Variants in FBXL20 observed in about 807,000 individuals in gnomAD.
FBXL20 encodes F-box/LRR-repeat protein 20.
Under a neutral mutation model 64.0 loss-of-function variants are expected in FBXL20, and 11 were observed. That is an observed-to-expected ratio of 0.17 (90% CI 0.11 to 0.28). The LOEUF (loss-of-function observed/expected upper bound fraction) is 0.28. FBXL20 is among the 10% of genes least tolerant of loss of function. The pLI is 1.00. For synonymous variants in FBXL20, 184 were observed against 189.0 expected (o/e 0.97, Z 0.22); for missense variants, 303 against 526.2 (o/e 0.58, Z 4.15).
intron 2 of FBXL20, among the ~76,000 whole-genome samples, chr17:39,332,951 G>C (rs1263347235): frequency 2.0e-5 from 3 of 152,078 alleles, no homozygotes; most frequent in Non-Finnish European, 2.9e-5. Flanking sequence ...CCCCAACACA[G>C]TATGAATTGC....
intron 2 of FBXL20, among the ~76,000 whole-genome samples, chr17:39,341,136 G>A (rs1597807987): frequency 6.6e-6 from 1 of 151,956 alleles, no homozygotes; most frequent in Non-Finnish European, 1.5e-5. Flanking sequence ...GTGTTTTGTG[G>A]TGTCAAATCT....
At chr17:39,398,994 AT>A (rs1316173006) in intron 1 of FBXL20, among the ~76,000 whole-genome samples, 7 of 151,972 alleles carry the variant, frequency 4.6e-5, no homozygotes, top group African/African-American at 9.7e-5. Context: ...AATTAAAAAA[AT>A]TTTTTTTCTA....
At chr17:39,379,148 C>A (rs1173145064) in intron 1 of FBXL20, among the ~76,000 whole-genome samples, 1 of 149,810 alleles carries the variant, frequency 6.7e-6, no homozygotes, top group Non-Finnish European at 1.5e-5. Context: ...ATCGCTTGAA[C>A]CCAGGAGGCG....
intron 2 of FBXL20, among the ~76,000 whole-genome samples, chr17:39,335,187 T>A (rs141171099): frequency 1.3e-5 from 2 of 152,266 alleles, no homozygotes; most frequent in Non-Finnish European, 2.9e-5. Flanking sequence ...AATGATGTAA[T>A]GCATGTCTTA....
chr17:39,383,346 T>C (rs1475812338), intron 1 of FBXL20, among the ~76,000 whole-genome samples: 6 of 152,084 alleles, frequency 3.9e-5, no homozygotes, highest in South Asian at 4.1e-4. Flanking sequence ...CTTGGTCGGG[T>C]ATGATGGCTC....
chr17:39,341,605 A>C (rs2047583776), intron 2 of FBXL20, among the ~76,000 whole-genome samples: 1 of 152,180 alleles, frequency 6.6e-6, no homozygotes, highest in Non-Finnish European at 1.5e-5. Context: ...ACATATGTTC[A>C]TATACTCCTT....
intron 2 of FBXL20, among the ~76,000 whole-genome samples, chr17:39,320,133 T>C (rs890603659): frequency 3.9e-5 from 6 of 152,186 alleles, no homozygotes; most frequent in Admixed American, 6.6e-5. Context: ...GTTTTGTAAC[T>C]TGCTTTGTTG....
chr17:39,255,948 A>C lies in FBXL20; in HGVS notation c.*5512T>G, dbSNP rs1022658001. The C allele has an allele frequency of 1.3e-5, 2 of 152,182 alleles. No homozygotes were observed. The highest frequency in any genetic ancestry group is 2.4e-5 in the African/African-American group (1 of 41,450). 9.4% of individuals were successfully genotyped at this position (152,182 alleles called of 1,614,324 possible). A position where few individuals can be genotyped will look rare whatever the true frequency, so the allele number is the denominator to read the frequency against. ...TCGGATACAACCCAATTTTATTCCT[A>C]AACTACCTGGGCTAATTATACCCTA... is the stretch of plus-strand genomic sequence containing the variant. On this transcript the variant is annotated 3_prime_UTR_variant, in exon 15 of 15. Coordinates refer to ENST00000264658, the MANE Select transcript of FBXL20 (RefSeq NM_032875.3).
intron 6 of FBXL20, among the ~76,000 whole-genome samples, chr17:39,292,757 T>C (rs1567866730): frequency 6.6e-6 from 1 of 151,874 alleles, no homozygotes; most frequent in Admixed American, 6.6e-5. Flanking sequence ...TGGTTTTGGG[T>C]CACATTTTCC....
chr17:39,261,864 C>T (rs911224249), intron 14 of FBXL20, among the ~76,000 whole-genome samples: 8 of 152,018 alleles, frequency 5.3e-5, no homozygotes, highest in South Asian at 2.1e-4. Context: ...GGGCGGATCA[C>T]GAGGTCAGGA....
chr17:39,318,270 T>C (rs148125919), intron 2 of FBXL20, among the ~76,000 whole-genome samples: 1 of 152,134 alleles, frequency 6.6e-6, no homozygotes, highest in African/African-American at 2.4e-5. Flanking sequence ...GTTGAGTTTT[T>C]GGAGTATGCC....
chr17:39,333,470 G>A (rs1181933786), intron 2 of FBXL20, among the ~76,000 whole-genome samples: 1 of 152,194 alleles, frequency 6.6e-6, no homozygotes. Context: ...AGGCTGGAGC[G>A]CAGTGGCGTG....
In FBXL20 at chr17:39,299,087, G is replaced by A. The variant is rs373342685; in HGVS notation, c.235-3C>T. ...GAAATATTCTCCACTACTCGGCCCT[G>A]TAAAATGAGACAGGCAAACAAAAAG... On this transcript the variant is annotated splice_polypyrimidine_tract_variant and splice_region_variant and intron_variant, in intron 4 of 14. Coordinates refer to ENST00000264658, the MANE Select transcript of FBXL20 (RefSeq NM_032875.3). 2 of 1,600,430 alleles carry A rather than the reference G, an allele frequency of 1.2e-6. No individual in the cohort carries two copies. Among genetic ancestry groups the A allele is most frequent in the African/African-American group, 2.7e-5 (2 of 74,126 alleles).
intron 2 of FBXL20, among the ~76,000 whole-genome samples, chr17:39,329,891 G>A (rs758647849): frequency 1.3e-5 from 2 of 152,090 alleles, no homozygotes; most frequent in Non-Finnish European, 2.9e-5. Context: ...CTAGCTACTA[G>A]GCTGGAATGG....
chr17:39,295,784 G>GATAGATATATATATATATATATATAT (rs1555605408), intron 6 of FBXL20, among the ~76,000 whole-genome samples: 1 of 137,068 alleles, frequency 7.3e-6, no homozygotes. Flanking sequence ...CAAATATGGA[G>GATAGATATATATATATATATATATAT]ATATATATAT....
chr17:39,289,424 G>GAGGC (rs1245612899), intron 6 of FBXL20, among the ~76,000 whole-genome samples: 3 of 152,208 alleles, frequency 2.0e-5, no homozygotes, highest in Non-Finnish European at 2.9e-5. Context: ...GTGGGAGGCT[G>GAGGC]AGGCAGGCAG....
At chr17:39,341,745 C>T (rs59785347) in intron 2 of FBXL20, among the ~76,000 whole-genome samples, 4,903 of 152,262 alleles carry the variant, frequency 0.032, 276 homozygotes, top group African/African-American at 0.11. Flanking sequence ...ATCTTGTGCA[C>T]CTGCCCTCAG....
intron 2 of FBXL20, among the ~76,000 whole-genome samples, chr17:39,317,701 G>GTTTTTTTTTTTTTTTTTTTTTT (rs1238194174): frequency 2.3e-5 from 1 of 44,282 alleles, no homozygotes; most frequent in Non-Finnish European, 4.5e-5. Flanking sequence ...TTTTTTTTTT[G>GTTTTTTTTTTTTTTTTTTTTTT]TTTTTTTTTT....
chr17:39,388,468 A>C (rs1210068155), intron 1 of FBXL20, among the ~76,000 whole-genome samples: 12 of 151,756 alleles, frequency 7.9e-5, no homozygotes, highest in Admixed American at 3.9e-4. Flanking sequence ...TCAAAAAAAA[A>C]AAGTTGCTTT....
Sources: gnomAD v4.1 joint callset for allele counts (sites outside exome capture counted in the v4.1 genomes callset) on GRCh38, gnomAD v4.1.1 for gene constraint, MANE v1.5 for transcripts, NCBI Gene and HGNC (gene_info 2026-07-23, HGNC 2026-07-21) for gene names.